MACROD2: variants seen among roughly 807,000 people sequenced by gnomAD.
MACROD2 encodes the protein ADP-ribose glycohydrolase MACROD2.
Under a neutral mutation model 70.4 loss-of-function variants are expected in MACROD2, and 36 were observed. That is an observed-to-expected ratio of 0.51 (90% confidence interval 0.39 to 0.68). The LOEUF is 0.68. MACROD2 is among the 30% of genes least tolerant of loss of function. The pLI is 0.00. For missense variants in MACROD2, 496 were observed against 538.4 expected (o/e 0.92, Z 0.78); for synonymous variants, 172 against 178.8 (o/e 0.96, Z 0.30).
chr20:14,749,124 G>A (rs2071836683), intron 5 of MACROD2, among the ~76,000 whole-genome samples: 3 of 152,124 alleles, frequency 2.0e-5, no homozygotes, highest in South Asian at 4.1e-4. Flanking sequence ...AAATACTTCA[G>A]TATTTTTCTC....
At chr20:15,361,993 C>T (rs770826927) in intron 6 of MACROD2, among the ~76,000 whole-genome samples, 3 of 150,384 alleles carry the variant, frequency 2.0e-5, no homozygotes, top group Non-Finnish European at 4.4e-5. Context: ...CAAATAAGGA[C>T]AGTCTTATTT....
intron 5 of MACROD2, among the ~76,000 whole-genome samples, chr20:15,034,367 G>A (rs563270955): frequency 6.6e-6 from 1 of 152,080 alleles, no homozygotes; most frequent in Non-Finnish European, 1.5e-5. Flanking sequence ...TCTCTGCTGT[G>A]TTCCTGGAGG....
intron 8 of MACROD2, among the ~76,000 whole-genome samples, chr20:15,782,763 A>G (rs2051856319): frequency 6.8e-6 from 1 of 147,054 alleles, no homozygotes; most frequent in Admixed American, 6.8e-5. Flanking sequence ...GTATTTGTAG[A>G]CTGCATACCA....
At chr20:15,085,947 T>C (rs1287757958) in intron 5 of MACROD2, among the ~76,000 whole-genome samples, 1 of 149,374 alleles carries the variant, frequency 6.7e-6, no homozygotes, top group Non-Finnish European at 1.5e-5. Context: ...GTTCACAGAA[T>C]CCATTCCTCA....
At chr20:15,924,407 C>T (rs2065457845) in intron 10 of MACROD2, among the ~76,000 whole-genome samples, 1 of 152,198 alleles carries the variant, frequency 6.6e-6, no homozygotes, top group Non-Finnish European at 1.5e-5. Context: ...CCCAAAGAGC[C>T]ATTTGGACAA....
chr20:15,499,580 G>T (rs2047339677), intron 7 of MACROD2, among the ~76,000 whole-genome samples, 194 bp from the exon 8 acceptor site: 1 of 152,034 alleles, frequency 6.6e-6, no homozygotes, highest in Non-Finnish European at 1.5e-5. Context: ...CTCTGTACTG[G>T]TGTAGGACCA....
chr20:16,005,727 C>T (rs2066778978), intron 15 of MACROD2, among the ~76,000 whole-genome samples: 1 of 152,208 alleles, frequency 6.6e-6, no homozygotes, highest in Admixed American at 6.5e-5. Flanking sequence ...TCTTTGGCTT[C>T]GCTTATTCAC....
At chr20:14,651,383 T>C (rs1985672504) in intron 4 of MACROD2, among the ~76,000 whole-genome samples, 1 of 152,058 alleles carries the variant, frequency 6.6e-6, no homozygotes, top group Admixed American at 6.6e-5. Context: ...CCTGATATAA[T>C]AGGGGACCAG....
intron 5 of MACROD2, among the ~76,000 whole-genome samples, chr20:14,687,333 A>G (rs2071014394): frequency 6.6e-6 from 1 of 152,210 alleles, no homozygotes; most frequent in Admixed American, 6.5e-5. Context: ...TGGTGGCTGT[A>G]GTGTATGGGT....
chr20:14,781,416 C>T (rs1360450712), intron 5 of MACROD2, among the ~76,000 whole-genome samples: 1 of 150,164 alleles, frequency 6.7e-6, no homozygotes, highest in Non-Finnish European at 1.5e-5. Flanking sequence ...GAGCTCTGCT[C>T]TCCTGATGTT....
intron 6 of MACROD2, among the ~76,000 whole-genome samples, chr20:15,277,386 G>A (rs929086139): frequency 1.3e-5 from 2 of 152,328 alleles, no homozygotes; most frequent in Non-Finnish European, 1.5e-5. Flanking sequence ...AAGGATTGGT[G>A]CTGATGAATG....
intron 6 of MACROD2, among the ~76,000 whole-genome samples, chr20:15,351,752 A>C (rs146029017): frequency 6.6e-6 from 1 of 152,212 alleles, no homozygotes. Flanking sequence ...GCCCACAAAC[A>C]TGGCTATCTG....
Position 14,033,593 on chromosome 20 carries a change from A to G in MACROD2, c.163+31189A>G, listed in dbSNP as rs868453324. 3.0e-4 allele frequency among the ~76,000 whole-genome samples: 46 copies of G among 152,228 alleles called. 1 individual carries two copies. Among genetic ancestry groups the G allele is most frequent in the African/African-American group, 1.1e-3 (46 of 41,454 alleles). On this transcript the variant is annotated intron_variant, in intron 2 of 17. Coordinates refer to ENST00000684519, the MANE Select transcript of MACROD2 (RefSeq NM_001351661.2). ...CTTATGCAAGGATATATCTTTCCCAAAAAATTAATGAACGTGATACATGCA... is the reference window on the plus strand; with the variant it reads ...CTTATGCAAGGATATATCTTTCCCAGAAAATTAATGAACGTGATACATGCA...
intron 6 of MACROD2, among the ~76,000 whole-genome samples, chr20:15,413,223 T>G (rs2046102057): frequency 6.6e-6 from 1 of 152,156 alleles, no homozygotes; most frequent in African/African-American, 2.4e-5. Flanking sequence ...TATAAAACTT[T>G]TTTTTTTGAC....
chr20:14,280,796 C>T (rs920461418), intron 3 of MACROD2, among the ~76,000 whole-genome samples: 2 of 152,186 alleles, frequency 1.3e-5, no homozygotes. Flanking sequence ...TTGCATTAGT[C>T]GATCATTATT....
chr20:14,876,879 T>C (rs2122449416), intron 5 of MACROD2, among the ~76,000 whole-genome samples: 1 of 152,318 alleles, frequency 6.6e-6, no homozygotes, highest in South Asian at 2.1e-4. Flanking sequence ...TACAATATAC[T>C]TAAAAGTCAG....
At chr20:15,191,506 C>G (rs907567824) in intron 5 of MACROD2, among the ~76,000 whole-genome samples, 3 of 151,724 alleles carry the variant, frequency 2.0e-5, no homozygotes, top group African/African-American at 4.9e-5. Flanking sequence ...CACAAGTCCC[C>G]GAACCCAGCC....
chr20:15,492,680 C>T (rs941623771), intron 7 of MACROD2, among the ~76,000 whole-genome samples: 4 of 152,184 alleles, frequency 2.6e-5, no homozygotes, highest in Admixed American at 2.6e-4. Context: ...TCATAGGTTT[C>T]TATCAGTGCT....
chr20:15,172,724 T>C (rs1215619183), intron 5 of MACROD2, among the ~76,000 whole-genome samples: 2 of 152,234 alleles, frequency 1.3e-5, no homozygotes, highest in Non-Finnish European at 2.9e-5. Context: ...TGTAAATCTT[T>C]ATGGAGTGCC....
Sources: gnomAD v4.1 joint callset for allele counts (sites outside exome capture counted in the v4.1 genomes callset) on GRCh38, gnomAD v4.1.1 for gene constraint, MANE v1.5 for transcripts, NCBI Gene and HGNC (gene_info 2026-07-23, HGNC 2026-07-21) for gene names.